Variants in USP22 observed in about 807,000 individuals in gnomAD.
USP22 encodes ubiquitin specific peptidase 22.
Under a neutral mutation model 68.1 loss-of-function variants are expected in USP22, and 22 were observed. The ratio of observed to expected loss-of-function variants is 0.32; its 90% CI spans 0.23 to 0.46. The LOEUF (loss-of-function observed/expected upper bound fraction) is 0.46. USP22 is among the 20% of genes least tolerant of loss of function. USP22 has a pLI of 1.00. For missense variants in USP22, 433 were observed against 695.8 expected (o/e 0.62, Z 4.25); for synonymous variants, 279 against 274.2 (o/e 1.02, Z -0.17).
At chr17:21,025,911 T>C (rs184014804) in intron 2 of USP22, among the ~76,000 whole-genome samples, 6 of 152,238 alleles carry the variant, frequency 3.9e-5, no homozygotes, top group Admixed American at 6.5e-5. Context: ...ACTAGAGAGG[T>C]GGAGGACACA....
chr17:21,025,621 T>G (rs116971281), intron 2 of USP22, among the ~76,000 whole-genome samples: 4 of 152,136 alleles, frequency 2.6e-5, no homozygotes, highest in Non-Finnish European at 4.4e-5. Flanking sequence ...GATGAACGGA[T>G]GAAGAATGTG....
At chr17:21,011,086 T>C (rs1466755579) in intron 8 of USP22, 65 bp downstream of exon 8, 1 of 1,518,938 alleles carries the variant, frequency 6.6e-7, no homozygotes, top group Non-Finnish European at 8.8e-7. Context: ...CCTGCTTTGG[T>C]CCTGATGGAG....
At position 21,042,847 on chromosome 17, in the gene USP22, C is replaced by G; in HGVS notation, c.-12G>C. The G allele has an allele frequency of 7.9e-7, 1 of 1,263,972 alleles. No homozygotes were observed. The highest frequency in any genetic ancestry group is 1.0e-6 in the Non-Finnish European group (1 of 1,003,760). The allele number at this position is 1,263,972 out of a possible 1,614,324, so 78.3% of individuals were successfully genotyped here. On this transcript the variant is annotated 5_prime_UTR_variant, in exon 1 of 13. Coordinates refer to ENST00000261497, the MANE Select transcript of USP22 (RefSeq NM_015276.2). ...GGCCGGGACACCATGGGGGGCAAGG[C>G]CCGGCCGCGCGCGGGGGGCGGCGGC...
intron 1 of USP22, among the ~76,000 whole-genome samples, chr17:21,041,020 G>C (rs890564477): frequency 1.3e-5 from 2 of 151,874 alleles, no homozygotes; most frequent in African/African-American, 4.8e-5. Context: ...GAGTAGCTGG[G>C]ATTACAGGCG....
intron 1 of USP22, among the ~76,000 whole-genome samples, chr17:21,034,341 A>G (rs1401815294): frequency 6.6e-6 from 1 of 152,206 alleles, no homozygotes; most frequent in Non-Finnish European, 1.5e-5. Flanking sequence ...CAGGAGACTT[A>G]CTTGCCAGGC....
intron 3 of USP22, among the ~76,000 whole-genome samples, chr17:21,020,819 T>C (rs553105678): frequency 1.6e-4 from 25 of 152,092 alleles, no homozygotes; most frequent in Non-Finnish European, 3.7e-4. Flanking sequence ...GCTTAAGTAA[T>C]GCTGGGGTTG....
At chr17:21,043,133 C>CCCCCACCCCCCCCCCCCA (rs1356692271), upstream of USP22, 1 of 71,144 alleles carries the variant, frequency 1.4e-5, no homozygotes, top group Admixed American at 1.1e-4. Flanking sequence ...ACCCCCCCCC[C>CCCCCACCCCCCCCCCCCA]CCCTCCCGGC....
chr17:21,019,978 G>A (rs1038109), intron 3 of USP22, among the ~76,000 whole-genome samples: 113,548 of 152,144 alleles, frequency 0.75, 42,844 homozygotes, highest in South Asian at 0.82. Flanking sequence ...GCTCTCCAGA[G>A]AAGACTTGTT....
At position 21,020,733 on chromosome 17, in the gene USP22, C is replaced by T. The variant is rs574699806; in HGVS notation, c.418+380G>A. On this transcript the variant is annotated intron_variant, in intron 3 of 12. Coordinates refer to ENST00000261497, the MANE Select transcript of USP22 (RefSeq NM_015276.2). ...CAAACCACTCAGGGATGTCCAGATA[C>T]GGAGTCACCTGTCCCCGAGAGGTGT... Among the ~76,000 whole-genome samples the T allele has an allele frequency of 1.2e-4, 18 of 152,358 alleles. No individual in the cohort carries two copies. In the South Asian group the frequency reaches 1.2e-3, roughly 11 times the overall value.
chr17:21,038,018 C>T (rs1188597980), intron 1 of USP22, among the ~76,000 whole-genome samples: 1 of 152,056 alleles, frequency 6.6e-6, no homozygotes, highest in Non-Finnish European at 1.5e-5. Context: ...TTACTTAGAC[C>T]CCACTTAGTA....
chr17:21,016,765 T>C (rs1285564255), intron 5 of USP22, among the ~76,000 whole-genome samples: 1 of 152,042 alleles, frequency 6.6e-6, no homozygotes, highest in Non-Finnish European at 1.5e-5. Flanking sequence ...GCTACCAGGG[T>C]CTGGGGACTG....
rs1913625432 is a variant in USP22 at position 21,002,621 on chromosome 17, G to C, written c.*410C>G. On this transcript the variant is annotated 3_prime_UTR_variant, in exon 13 of 13. Coordinates refer to ENST00000261497, the MANE Select transcript of USP22 (RefSeq NM_015276.2). ...CCTCTGTCCCGCACACTACACCTCT[G>C]TGTCCAGCTTACTGCTTTCATGGAC... 4.0e-6 allele frequency: 1 copy of C among 251,194 alleles called. No homozygotes were observed. Among genetic ancestry groups the C allele is most frequent in the African/African-American group, 2.2e-5 (1 of 44,636 alleles). 15.6% of individuals were successfully genotyped at this position (251,194 alleles called of 1,614,324 possible). A position where few individuals can be genotyped will look rare whatever the true frequency, so the allele number is the denominator to read the frequency against.
intron 3 of USP22, among the ~76,000 whole-genome samples, chr17:21,020,259 A>AAAAAAAAAAAAAAAG (rs1972138372): frequency 6.7e-6 from 1 of 148,636 alleles, no homozygotes; most frequent in Non-Finnish European, 1.5e-5. Context: ...AAAAAAAAAA[A>AAAAAAAAAAAAAAAG]AAAAAAAAAA....
At chr17:21,026,424 C>A (rs1972220065) in intron 2 of USP22, among the ~76,000 whole-genome samples, 1 of 152,082 alleles carries the variant, frequency 6.6e-6, no homozygotes, top group African/African-American at 2.4e-5. Context: ...CTCCTAGGCT[C>A]AAGAGATCCT....
chr17:21,013,875 C>T (rs1237070160), intron 6 of USP22, among the ~76,000 whole-genome samples: 2 of 152,174 alleles, frequency 1.3e-5, no homozygotes, highest in Non-Finnish European at 2.9e-5. Flanking sequence ...GAGACCGAGA[C>T]CATCCTGGCT....
At chr17:21,020,342 CTG>C (rs1972141250) in intron 3 of USP22, among the ~76,000 whole-genome samples, 1 of 151,574 alleles carries the variant, frequency 6.6e-6, no homozygotes, top group East Asian at 1.9e-4. Flanking sequence ...TCCTCTCACT[CTG>C]TGTAGCCAAT....
At chr17:21,015,592 T>C (rs1914107305) in intron 6 of USP22, 160 bp downstream of exon 6, 1 of 1,068,190 alleles carries the variant, frequency 9.4e-7, no homozygotes, top group South Asian at 1.8e-5. Context: ...TCATTAGTTA[T>C]GGTGACTTCA....
In USP22 at chr17:21,015,795, C is replaced by T; in HGVS notation, c.795G>A (p.Glu265=). ...GCACGTCCAGGGCCGCGATGAGGAA[C>T]TCGTGGGCGTCCTGCTGCTCGTAGC... ...LAGYEQQDAH[E]FLIAALDVLH... is the part of the protein sequence containing the mutation. Residue 265 remains glutamate (E), a synonymous_variant, in exon 6 of 13, where the codon GAG becomes GAA. Coordinates refer to ENST00000261497, the MANE Select transcript of USP22 (RefSeq NM_015276.2). The T allele has an allele frequency of 1.9e-6, 3 of 1,613,944 alleles. No homozygotes were observed. The highest frequency in any genetic ancestry group is 2.5e-6 in the Non-Finnish European group (3 of 1,180,000).
intron 1 of USP22, among the ~76,000 whole-genome samples, chr17:21,036,789 T>C (rs1020422721): frequency 5.3e-5 from 8 of 152,150 alleles, no homozygotes; most frequent in South Asian, 4.1e-4. Flanking sequence ...CAGACGTGTA[T>C]ATGCACGCAT....
Sources: allele counts gnomAD v4.1 joint callset (sites outside exome capture counted in the v4.1 genomes callset), GRCh38; gene constraint gnomAD v4.1.1; transcripts MANE v1.5; gene names NCBI Gene and HGNC (gene_info 2026-07-23, HGNC 2026-07-21).